The following NFIB variants were observed in gnomAD, a reference collection of about 807,000 sequenced individuals.
NFIB encodes the protein nuclear factor I B, also known as nuclear factor 1 B-type.
Under a neutral mutation model 61.5 loss-of-function variants are expected in NFIB, and 11 were observed. The observed-to-expected ratio is 0.18, with a 90% confidence interval of 0.11 to 0.30. The LOEUF is 0.30. Among genes scored for constraint, NFIB ranks in the 10% least tolerant of loss-of-function variants. The probability of loss-of-function intolerance (pLI) is 1.00; values close to 1 mark genes in which losing one functional copy is unlikely to be tolerated. For missense variants in NFIB, 471 were observed against 608.9 expected (o/e 0.77, Z 2.38); for synonymous variants, 260 against 216.5 (o/e 1.20, Z -1.76).
At chr9:14,322,604 G>C (rs1013055980) in intron 1 of NFIB, among the ~76,000 whole-genome samples, 1 of 152,022 alleles carries the variant, frequency 6.6e-6, no homozygotes, top group African/African-American at 2.4e-5. Context: ...ACCACGGCCG[G>C]CCTGGGCGCG....
intron 3 of NFIB, among the ~76,000 whole-genome samples, chr9:14,166,863 T>G (rs2044858109): frequency 6.6e-6 from 1 of 152,186 alleles, no homozygotes; most frequent in Non-Finnish European, 1.5e-5. Flanking sequence ...GCAATTTAGT[T>G]TTTCTTGATA....
At chr9:14,514,339 C>CACACACACAT in the NFIB span, among the ~76,000 whole-genome samples, 3 of 151,830 alleles carry the variant, frequency 2.0e-5, no homozygotes, top group Non-Finnish European at 4.4e-5. Flanking sequence ...CACACACACA[C>CACACACACAT]ACACACACGC....
chr9:14,302,499 G>C (rs1387882667), intron 2 of NFIB, among the ~76,000 whole-genome samples: 1 of 152,108 alleles, frequency 6.6e-6, no homozygotes, highest in Non-Finnish European at 1.5e-5. Flanking sequence ...AAGGCTAAAG[G>C]AAACTACTTT....
Position 14,127,541 on chromosome 9 carries a change from T to C in NFIB, c.926-1775A>G, listed in dbSNP as rs570104458. 1.7e-3 allele frequency among the ~76,000 whole-genome samples: 256 copies of C among 152,298 alleles called. 2 individuals carry two copies. The highest frequency in any genetic ancestry group is 3.4e-3 in the Middle Eastern group (1 of 294). On this transcript the variant is annotated intron_variant, in intron 6 of 10. Coordinates refer to ENST00000380953, the MANE Select transcript of NFIB (RefSeq NM_001190737.2). The stretch of plus-strand genomic sequence containing the variant: ...AACTTTGCTTCTAAGTAGTTCAGCA[T>C]GTATCTCTAAAAGAAAATAAATCTT...
At chr9:14,116,488 A>G in intron 8 of NFIB, 142 bp from the exon 9 acceptor site, 1 of 797,222 alleles carries the variant, frequency 1.3e-6, no homozygotes, top group Non-Finnish European at 1.7e-6. Context: ...TCGGAGTCGG[A>G]GAGGCCAGTC....
At chr9:14,132,064 G>A (rs897844843) in intron 6 of NFIB, among the ~76,000 whole-genome samples, 1 of 151,964 alleles carries the variant, frequency 6.6e-6, no homozygotes, top group African/African-American at 2.4e-5. Flanking sequence ...CTTCCCTATA[G>A]TAACACAATT....
chr9:14,436,037 C>T, the NFIB span, among the ~76,000 whole-genome samples: 26 of 152,326 alleles, frequency 1.7e-4, no homozygotes, highest in Non-Finnish European at 3.2e-4. Flanking sequence ...CCTTCCCTTG[C>T]GCTGATCCAC....
chr9:14,315,625 C>A (rs999371785), upstream of NFIB, among the ~76,000 whole-genome samples: 4 of 148,196 alleles, frequency 2.7e-5, no homozygotes, highest in African/African-American at 9.8e-5. Flanking sequence ...GCGCCGGCTC[C>A]CCACCGCGGC....
chr9:14,283,777 G>C (rs2058534222), intron 2 of NFIB, among the ~76,000 whole-genome samples: 1 of 152,202 alleles, frequency 6.6e-6, no homozygotes, highest in South Asian at 2.1e-4. Flanking sequence ...AGCTCACTGA[G>C]GGACAGAGGA....
intron 4 of NFIB, among the ~76,000 whole-genome samples, chr9:14,154,726 T>G (rs1018337427): frequency 6.6e-6 from 1 of 152,184 alleles, no homozygotes; most frequent in Non-Finnish European, 1.5e-5. Context: ...ACTTAAGATC[T>G]TAAACGTTCA....
At chr9:14,452,779 A>G in the NFIB span, among the ~76,000 whole-genome samples, 3 of 152,188 alleles carry the variant, frequency 2.0e-5, no homozygotes, top group African/African-American at 7.2e-5. Flanking sequence ...CACATTCCCT[A>G]TGTGAAGATC....
chr9:14,200,054 G>C (rs11793827), intron 2 of NFIB, among the ~76,000 whole-genome samples: 2,653 of 152,214 alleles, frequency 0.017, 61 homozygotes, highest in African/African-American at 0.053. Flanking sequence ...CTGGAGCCTG[G>C]AGCATAATTT....
At chr9:14,177,848 C>T (rs2046350116) in intron 3 of NFIB, among the ~76,000 whole-genome samples, 1 of 152,112 alleles carries the variant, frequency 6.6e-6, no homozygotes, top group African/African-American at 2.4e-5. Flanking sequence ...AGAGATGCTA[C>T]ATCGAATGCA....
At chr9:14,285,889 C>T (rs976746302) in intron 2 of NFIB, among the ~76,000 whole-genome samples, 2 of 151,292 alleles carry the variant, frequency 1.3e-5, no homozygotes, top group African/African-American at 4.9e-5. Context: ...CCATTTTACA[C>T]AAGAAGAAAT....
At chr9:14,359,432 T>G (rs978871806) in intron 1 of NFIB, among the ~76,000 whole-genome samples, 3 of 152,174 alleles carry the variant, frequency 2.0e-5, no homozygotes, top group African/African-American at 7.2e-5. Flanking sequence ...AGGCCGAGAT[T>G]GCAGTGATGT....
chr9:14,222,738 G>A (rs543979410), intron 2 of NFIB, among the ~76,000 whole-genome samples: 10 of 129,968 alleles, frequency 7.7e-5, no homozygotes, highest in African/African-American at 2.9e-4. Flanking sequence ...CAAGGCTACA[G>A]TGAGCCATGA....
At chr9:14,423,402 G>T in the NFIB span, among the ~76,000 whole-genome samples, 2 of 152,156 alleles carry the variant, frequency 1.3e-5, no homozygotes, top group South Asian at 2.1e-4. Flanking sequence ...GTGGACAAGG[G>T]GACTGATTTT....
the NFIB span, among the ~76,000 whole-genome samples, chr9:14,423,706 A>G: frequency 1.3e-5 from 2 of 152,154 alleles, no homozygotes; most frequent in Non-Finnish European, 2.9e-5. Context: ...AGATCATTAT[A>G]TTCTCTGCAA....
chr9:14,426,366 A>G, the NFIB span, among the ~76,000 whole-genome samples: 1 of 152,120 alleles, frequency 6.6e-6, no homozygotes, highest in Non-Finnish European at 1.5e-5. Flanking sequence ...GGCTTTTCTC[A>G]TACTTTTATG....
Sources: gnomAD v4.1 joint callset for allele counts (sites outside exome capture counted in the v4.1 genomes callset) on GRCh38, gnomAD v4.1.1 for gene constraint, MANE v1.5 for transcripts, NCBI Gene and HGNC (gene_info 2026-07-23, HGNC 2026-07-21) for gene names.